Variants in TBX22 observed in about 807,000 individuals in gnomAD.
TBX22 encodes T-box transcription factor 22, also known as T-box transcription factor TBX22.
Under a neutral mutation model 30.1 loss-of-function variants are expected in TBX22, and 8 were observed. The observed-to-expected ratio is 0.27, with a 90% CI of 0.16 to 0.48. The LOEUF (loss-of-function observed/expected upper bound fraction) is 0.48, where lower values mean the gene tolerates loss of function less well. TBX22 is among the 20% of genes least tolerant of loss of function. The probability of loss-of-function intolerance (pLI) is 0.99; values close to 1 mark genes in which losing one functional copy is unlikely to be tolerated. For missense variants in TBX22, 463 were observed against 400.5 expected (o/e 1.16, Z -1.33); for synonymous variants, 173 against 149.1 (o/e 1.16, Z -1.17).
At chrX:80,018,828 T>C (rs1923560749) in intron 1 of TBX22, among the ~76,000 whole-genome samples, 2 of 112,347 alleles carry the variant, frequency 1.8e-5, no homozygotes, top group Non-Finnish European at 3.8e-5. Context: ...AAGACTTGTG[T>C]AAGGTCATTC....
At chrX:80,021,986 T>C (rs940207944) in intron 1 of TBX22, among the ~76,000 whole-genome samples, 1 of 109,393 alleles carries the variant, frequency 9.1e-6, no homozygotes, top group Non-Finnish European at 1.9e-5. Context: ...TCCTTTCATT[T>C]TGTCTATTCA....
intron 2 of TBX22, 103 bp downstream of exon 2, chrX:80,022,547 C>A: frequency 1.2e-6 from 1 of 827,277 alleles, no homozygotes; most frequent in Non-Finnish European, 1.8e-6. Context: ...CATTAGGAGC[C>A]GCGAGACACC....
In TBX22 at chrX:80,025,848, G is replaced by C. The variant is rs1035554884; in HGVS notation, c.633+71G>C. 5 of 978,724 alleles carry C rather than the reference G, an allele frequency of 5.1e-6. No individual in the cohort carries two copies. The African/African-American group carries it at 9.5e-5, about 19-fold the overall frequency. 80.7% of individuals were successfully genotyped at this position (978,724 alleles called of 1,213,427 possible). A position where few individuals can be genotyped will look rare whatever the true frequency, so the allele number is the denominator to read the frequency against. On this transcript the variant is annotated intron_variant, in intron 5 of 8. Coordinates refer to ENST00000373296, the MANE Select transcript of TBX22 (RefSeq NM_001109878.2). ...TCCTGCCCACTGGTCACCCTGGAGA[G>C]GCCAGGGAGGCTTTTTGCAGATGCA... is the stretch of plus-strand genomic sequence containing the variant.
chrX:80,027,312 A>G lies in TBX22; in HGVS notation c.855A>G (p.Gly285=). 9.2e-7 allele frequency: 1 copy of G among 1,081,381 alleles called. No homozygotes were observed. Among genetic ancestry groups the G allele is most frequent in the Non-Finnish European group, 1.3e-6 (1 of 777,459 alleles). 89.1% of individuals were successfully genotyped at this position (1,081,381 alleles called of 1,213,427 possible). ...NPFAKGFRDT[G]RNRGVLDGLL... is the part of the protein sequence containing the mutation. ...TTGCTAAAGGATTTAGAGATACTGG[A>G]AGAAACAGGTAAGCAGCATAGCAAT... The change falls in exon 7 of 9, where the codon GGA becomes GGG. Residue 285 remains glycine, a synonymous_variant. Coordinates refer to ENST00000373296, the MANE Select transcript of TBX22 (RefSeq NM_001109878.2).
chrX:80,030,541 C>A lies in TBX22; in HGVS notation c.993C>A (p.Ala331=), dbSNP rs1202799129. 8.3e-7 allele frequency: 1 copy of A among 1,210,276 alleles called. No individual in the cohort carries two copies. Among genetic ancestry groups the A allele is most frequent in the Admixed American group, 2.2e-5 (1 of 45,984 alleles). ...GSSPVTSSGG[A]PSPLNSLLSP... ...CTCCAGTGACCTCTAGTGGAGGGGC[C>A]CCCTCTCCTTTGAACTCCTTACTTT... Residue 331 remains alanine (A), a synonymous_variant, in exon 9 of 9, where the codon GCC becomes GCA. Transcript: ENST00000373296.
At chrX:80,023,298 G>T in intron 3 of TBX22, 58 bp downstream of exon 3, 1 of 1,092,528 alleles carries the variant, frequency 9.2e-7, no homozygotes, top group East Asian at 3.0e-5. Context: ...TTAATTTACC[G>T]CTCTGGTAAG....
At chrX:80,021,899 C>CT (rs1923711187) in intron 1 of TBX22, among the ~76,000 whole-genome samples, 1 of 111,965 alleles carries the variant, frequency 8.9e-6, no homozygotes, top group Non-Finnish European at 1.9e-5. Flanking sequence ...GATTTGAGGA[C>CT]TAATGGTCTG....
chrX:80,016,132 A>G (rs1923424040), intron 1 of TBX22, among the ~76,000 whole-genome samples: 1 of 112,443 alleles, frequency 8.9e-6, no homozygotes, highest in Non-Finnish European at 1.9e-5. Flanking sequence ...AGCCCTGATT[A>G]AATACAGATA....
At chrX:80,027,638 A>G (rs1374848891) in intron 7 of TBX22, among the ~76,000 whole-genome samples, 1 of 112,012 alleles carries the variant, frequency 8.9e-6, no homozygotes, top group East Asian at 2.8e-4. Context: ...CAGCCTCCCA[A>G]AGTGCTGGGA....
chrX:80,027,399 G>A, intron 7 of TBX22, 79 bp downstream of exon 7: 1 of 500,915 alleles, frequency 2.0e-6, no homozygotes, highest in Non-Finnish European at 3.4e-6. Flanking sequence ...TTTTTCCTGA[G>A]ATGGAGTCTC....
intron 1 of TBX22, among the ~76,000 whole-genome samples, chrX:80,015,459 T>C (rs1923391314): frequency 8.9e-6 from 1 of 112,593 alleles, no homozygotes; most frequent in South Asian, 3.7e-4. Flanking sequence ...GCAGAAGGAT[T>C]ATTTGATCTT....
intron 1 of TBX22, among the ~76,000 whole-genome samples, chrX:80,022,067 C>CACAA (rs1362069805): frequency 1.7e-4 from 18 of 104,364 alleles, no homozygotes; most frequent in African/African-American, 5.8e-4. Context: ...CACACACACA[C>CACAA]AATTATTTTC....
chrX:80,018,766 T>A (rs1407911375), intron 1 of TBX22, among the ~76,000 whole-genome samples: 3 of 111,465 alleles, frequency 2.7e-5, no homozygotes, highest in Admixed American at 9.6e-5. Context: ...ATGATAGGAG[T>A]GTTAGAAATA....
At chrX:80,017,582 A>G (rs1923509733) in intron 1 of TBX22, among the ~76,000 whole-genome samples, 1 of 111,363 alleles carries the variant, frequency 9.0e-6, no homozygotes, top group South Asian at 3.7e-4. Context: ...TGACCATACA[A>G]TGCCTCTTCT....
chrX:80,023,195 G>A lies in TBX22; in HGVS notation c.311G>A (p.Arg104Lys), dbSNP rs1923807519. Residue 104 changes from arginine to lysine, a missense_variant, in exon 3 of 9, where the codon AGA (arginine) becomes AAA (lysine). Physicochemically the swap from Arg to Lys is conservative, Grantham distance 26 (BLOSUM62 2). Transcript: ENST00000373296. ...CTTCAAGGATCTGAACTGTGGAAAA[G>A]ATTCCATGACATCGGGACTGAGATG... ...MELQGSELWK[R>K]FHDIGTEMII... The A allele has an allele frequency of 2.5e-6, 3 of 1,211,975 alleles. No homozygotes were observed. The highest frequency in any genetic ancestry group is 3.4e-6 in the Non-Finnish European group (3 of 895,518).
chrX:80,019,274 G>C (rs747924773), intron 1 of TBX22, among the ~76,000 whole-genome samples: 1 of 109,913 alleles, frequency 9.1e-6, no homozygotes, highest in South Asian at 3.9e-4. Flanking sequence ...GTGTTCATTA[G>C]AGTGTTCATT....
At chrX:80,027,154 G>A in intron 6 of TBX22, 102 bp from the exon 7 acceptor site, 2 of 534,808 alleles carry the variant, frequency 3.7e-6, no homozygotes, top group Admixed American at 5.8e-5. Context: ...ATATTAACGT[G>A]TTTCAACATC....
intron 1 of TBX22, among the ~76,000 whole-genome samples, chrX:80,021,859 A>G (rs750338541): frequency 2.7e-5 from 3 of 112,335 alleles, no homozygotes; most frequent in Non-Finnish European, 3.8e-5. Flanking sequence ...GCACTTGCCA[A>G]TCTCTGCTCT....
rs200577659 is a variant in TBX22, at chrX:80,022,027, T to TAC, written c.-2-201_-2-200dup. Among the ~76,000 whole-genome samples, 12,483 of 92,778 alleles carry TAC rather than the reference T, an allele frequency of 0.13. 707 individuals carry two copies. Among genetic ancestry groups the TAC allele is most frequent in the South Asian group, 0.19 (343 of 1,813 alleles). 80.6% of individuals were successfully genotyped at this position (92,778 alleles called of 115,157 possible). ...AAAATATATATGTATATAAAAAAATTACACACACACACACACACACACACA... is the reference window on the plus strand; with the variant it reads ...AAAATATATATGTATATAAAAAAATTACACACACACACACACACACACACACA... On this transcript the variant is annotated intron_variant, in intron 1 of 8. Transcript: ENST00000373296.
Sources: allele counts gnomAD v4.1 joint callset (sites outside exome capture counted in the v4.1 genomes callset), GRCh38; gene constraint gnomAD v4.1.1; transcripts MANE v1.5; gene names NCBI Gene and HGNC (gene_info 2026-07-23, HGNC 2026-07-21).